Variants in ZNF366 observed in about 807,000 individuals in gnomAD.
ZNF366 encodes dendritic cell-specific transcript protein.
A neutral mutation model predicts 47.2 loss-of-function variants in ZNF366; 20 were observed. That is an observed-to-expected ratio of 0.42 (90% CI 0.30 to 0.62). The LOEUF (loss-of-function observed/expected upper bound fraction) is 0.62. Among genes scored for constraint, ZNF366 ranks in the 20% least tolerant of loss-of-function variants. ZNF366 has a pLI of 0.16. For synonymous variants in ZNF366, 421 were observed against 395.1 expected, an observed-to-expected ratio of 1.07 and a Z score of -0.78; for missense variants, 987 against 976.3, an observed-to-expected ratio of 1.01 and a Z score of -0.15.
At position 72,486,525 on chromosome 5, in the gene ZNF366, C is replaced by A. The variant is rs538150562; in HGVS notation, c.-15+20726G>T. ...CCACACACAAATATACCACAACATT[C>A]TCTCCCTTCCCAAGGACAGACTTGG... On this transcript the variant is annotated intron_variant, in intron 1 of 4. Coordinates refer to ENST00000318442, the MANE Select transcript of ZNF366 (RefSeq NM_152625.3). 2.0e-5 allele frequency among the ~76,000 whole-genome samples: 3 copies of A among 152,342 alleles called. No homozygotes were observed. In the East Asian group the frequency reaches 5.8e-4, roughly 29 times the overall value.
Position 72,444,161 on chromosome 5 carries a change from A to G in ZNF366, c.1830T>C (p.Ser610=), listed in dbSNP as rs1479519828. The change falls in exon 5 of 5, where the codon AGT becomes AGC. Residue 610 remains serine (S), a synonymous_variant. Coordinates refer to ENST00000318442, the MANE Select transcript of ZNF366 (RefSeq NM_152625.3). ...CCTCGTGGCAGTGGCTGCCCTGGGC[A>G]CTCTCCCCGTCTGACTGGAACACCG... ...KVPVFQSDGE[S]AQGSHCHEEE... 4 of 1,612,866 alleles carry G rather than the reference A, an allele frequency of 2.5e-6. No homozygotes were observed. The highest frequency in any genetic ancestry group is 3.4e-6 in the Non-Finnish European group (4 of 1,179,874).
At chr5:72,494,210 A>G (rs1333874586) in intron 1 of ZNF366, 1 of 152,204 alleles carries the variant, frequency 6.6e-6, no homozygotes, top group Non-Finnish European at 1.5e-5. Context: ...TTTTTGCAAT[A>G]ACTCTACATT....
In ZNF366 at chr5:72,507,343, C is replaced by T. The variant is rs1744339416; in HGVS notation, c.-107G>A. On this transcript the variant is annotated 5_prime_UTR_variant, in exon 1 of 5. Transcript: ENST00000318442. ...TCTCCCTCTCTCTCTCCCTCTTTCT[C>T]TTGTGTACAGATTGCAGGGAACTTA... is the stretch of plus-strand genomic sequence containing the variant. 1.6e-5 allele frequency: 16 copies of T among 985,528 alleles called. No individual in the cohort carries two copies. The highest frequency in any genetic ancestry group is 1.7e-5 in the Non-Finnish European group (14 of 830,058). The allele number at this position is 985,528 out of a possible 1,614,324, so 61.0% of individuals were successfully genotyped here.
chr5:72,504,071 G>A (rs781007771), intron 1 of ZNF366, among the ~76,000 whole-genome samples: 20 of 151,634 alleles, frequency 1.3e-4, no homozygotes, highest in Middle Eastern at 3.4e-3. Flanking sequence ...ACACACGCAC[G>A]CACACACACA....
intron 1 of ZNF366, among the ~76,000 whole-genome samples, chr5:72,472,385 T>G (rs1221095772): frequency 6.6e-6 from 1 of 152,206 alleles, no homozygotes; most frequent in Admixed American, 6.5e-5. Context: ...ATCATTAAAA[T>G]GTCAGTTAAA....
At position 72,507,381 on chromosome 5, in the gene ZNF366, G is replaced by A; in HGVS notation, c.-145C>T. The A allele has an allele frequency of 1.0e-6, 1 of 985,292 alleles. No individual in the cohort carries two copies. The highest frequency in any genetic ancestry group is 1.2e-6 in the Non-Finnish European group (1 of 829,950). The allele number at this position is 985,292 out of a possible 1,614,324, so 61.0% of individuals were successfully genotyped here. ...TGCAGGGAACTTAAAGAACTCGCAG[G>A]GACAGTGTTTCGAATGACTTAAGAA... On this transcript the variant is annotated 5_prime_UTR_variant, in exon 1 of 5. Transcript: ENST00000318442.
intron 1 of ZNF366, among the ~76,000 whole-genome samples, chr5:72,462,725 G>C (rs1407078884): frequency 6.6e-6 from 1 of 151,770 alleles, no homozygotes; most frequent in African/African-American, 2.4e-5. Flanking sequence ...TAATCTTTGT[G>C]TTTTTAGTAG....
At chr5:72,493,918 C>CTTTTTTTTTT (rs70999281) in intron 1 of ZNF366, among the ~76,000 whole-genome samples, 3 of 62,514 alleles carry the variant, frequency 4.8e-5, no homozygotes, top group African/African-American at 1.3e-4. Context: ...CCATGCCCAG[C>CTTTTTTTTTT]TTTTTTTTTT....
At chr5:72,452,644 A>G (rs1002792026) in intron 3 of ZNF366, among the ~76,000 whole-genome samples, 2 of 152,250 alleles carry the variant, frequency 1.3e-5, no homozygotes, top group African/African-American at 2.4e-5. Context: ...CCCTATTCTG[A>G]CAGCTCTGCC....
chr5:72,491,473 G>A (rs1744007285), intron 1 of ZNF366, among the ~76,000 whole-genome samples: 1 of 152,202 alleles, frequency 6.6e-6, no homozygotes, highest in African/African-American at 2.4e-5. Flanking sequence ...TTGTGAGAAG[G>A]AGCAGAAGCT....
chr5:72,467,366 T>C (rs1743452449), intron 1 of ZNF366, among the ~76,000 whole-genome samples: 1 of 152,160 alleles, frequency 6.6e-6, no homozygotes, highest in Non-Finnish European at 1.5e-5. Context: ...TGAATGAATT[T>C]TAAAACCAAA....
At chr5:72,475,516 T>C (rs1230041391) in intron 1 of ZNF366, among the ~76,000 whole-genome samples, 2 of 152,184 alleles carry the variant, frequency 1.3e-5, no homozygotes, top group Non-Finnish European at 2.9e-5. Flanking sequence ...TTTATGAAAC[T>C]CAACTGGTAA....
At chr5:72,468,882 T>C (rs572515252) in intron 1 of ZNF366, among the ~76,000 whole-genome samples, 29 of 152,370 alleles carry the variant, frequency 1.9e-4, no homozygotes, top group African/African-American at 7.0e-4. Context: ...AGAGCTAGTA[T>C]ATCTCTTATA....
At chr5:72,456,634 G>A (rs1172315958) in intron 2 of ZNF366, 39 bp from the exon 3 acceptor site, 2 of 1,537,774 alleles carry the variant, frequency 1.3e-6, no homozygotes, top group East Asian at 2.3e-5. Context: ...GTGATTGACA[G>A]GTAACATGCT....
At chr5:72,454,360 C>G (rs764877814) in intron 3 of ZNF366, among the ~76,000 whole-genome samples, 2 of 152,210 alleles carry the variant, frequency 1.3e-5, no homozygotes, top group Non-Finnish European at 2.9e-5. Context: ...CTAGAGAGAA[C>G]CCTCTAGATC....
intron 3 of ZNF366, among the ~76,000 whole-genome samples, chr5:72,449,586 G>C (rs1343195507): frequency 6.6e-6 from 1 of 152,182 alleles, no homozygotes; most frequent in African/African-American, 2.4e-5. Context: ...TTCCAGTCAC[G>C]GGTCATTTTT....
chr5:72,501,073 A>G (rs1208651536), intron 1 of ZNF366, among the ~76,000 whole-genome samples: 3 of 152,364 alleles, frequency 2.0e-5, no homozygotes, highest in East Asian at 1.9e-4. Context: ...CTTCAGCTCT[A>G]AGATGAGGAG....
chr5:72,452,411 G>T (rs887226198), intron 3 of ZNF366, among the ~76,000 whole-genome samples: 1 of 152,138 alleles, frequency 6.6e-6, no homozygotes, highest in African/African-American at 2.4e-5. Context: ...CAGTTCATAC[G>T]GCTATATCCT....
rs1468119198 is a variant in ZNF366 at position 72,485,426 on chromosome 5, G to A, written c.-15+21825C>T. ...TATTACCTCTTCCCAGTTCACTAAT[G>A]TGTTCTTGGACAGGCCATCTGAGTA... On this transcript the variant is annotated intron_variant, in intron 1 of 4. Transcript: ENST00000318442. Among the ~76,000 whole-genome samples the A allele has an allele frequency of 3.3e-5, 5 of 152,164 alleles. No homozygotes were observed. The East Asian group carries it at 7.7e-4, about 23-fold the overall frequency.
Sources: gnomAD v4.1 joint callset for allele counts (sites outside exome capture counted in the v4.1 genomes callset) on GRCh38, gnomAD v4.1.1 for gene constraint, MANE v1.5 for transcripts, NCBI Gene and HGNC (gene_info 2026-07-23, HGNC 2026-07-21) for gene names.